Variants in PIK3C2G observed in about 807,000 individuals in gnomAD.
PIK3C2G encodes phosphatidylinositol-4-phosphate 3-kinase catalytic subunit type 2 gamma.
In PIK3C2G, 168 loss-of-function variants were observed where a neutral mutation model predicts 181.1. The observed-to-expected ratio is 0.93, with a 90% CI of 0.82 to 1.05. The LOEUF (loss-of-function observed/expected upper bound fraction) is 1.05. PIK3C2G is among the 50% of genes least tolerant of loss of function. PIK3C2G has a pLI of 0.00. For missense variants in PIK3C2G, 1,869 were observed against 1,732.8 expected, an observed-to-expected ratio of 1.08 and a Z score of -1.40; for synonymous variants, 573 against 592.2, an observed-to-expected ratio of 0.97 and a Z score of 0.47.
chr12:18,291,641 G>GCTC (rs1949695160), intron 4 of PIK3C2G, among the ~76,000 whole-genome samples: 2 of 152,036 alleles, frequency 1.3e-5, no homozygotes, highest in Non-Finnish European at 2.9e-5. Flanking sequence ...AACAGTATTA[G>GCTC]CTCTTTAAAC....
At chr12:18,343,466 AAC>A (rs61320852) in intron 10 of PIK3C2G, 106 bp downstream of exon 10, 27,857 of 472,570 alleles carry the variant, frequency 0.059, no homozygotes, top group East Asian at 0.1. Context: ...GGTAACACAC[AAC>A]ACACACACAC....
At chr12:18,601,186 A>G (rs2136538529) in intron 30 of PIK3C2G, among the ~76,000 whole-genome samples, 1 of 152,086 alleles carries the variant, frequency 6.6e-6, no homozygotes, top group Non-Finnish European at 1.5e-5. Flanking sequence ...ATATTGATAG[A>G]TTTAAGGATA....
Position 18,604,152 on chromosome 12 carries a change from C to A in PIK3C2G, c.4088-5383C>A, listed in dbSNP as rs535712012. ...CCATCTGCTGCCTTCAGGAGACTCACCTAACACATAAGCATTCATATAAAC... is the reference window on the plus strand; with the variant it reads ...CCATCTGCTGCCTTCAGGAGACTCAACTAACACATAAGCATTCATATAAAC... On this transcript the variant is annotated intron_variant, in intron 30 of 32. Coordinates refer to ENST00000538779, the MANE Select transcript of PIK3C2G (RefSeq NM_001288772.2). 4.6e-5 allele frequency among the ~76,000 whole-genome samples: 7 copies of A among 152,208 alleles called. No individual in the cohort carries two copies. The South Asian group carries it at 1.5e-3, about 32-fold the overall frequency.
At chr12:18,257,852 AG>A (rs1948163800), upstream of PIK3C2G, among the ~76,000 whole-genome samples, 1 of 49,000 alleles carries the variant, frequency 2.0e-5, no homozygotes, top group Non-Finnish European at 4.8e-5. Context: ...AGAAAGAGAA[AG>A]AAAGAAAGAA....
chr12:18,479,195 G>A (rs184618446), intron 18 of PIK3C2G, among the ~76,000 whole-genome samples: 59 of 151,874 alleles, frequency 3.9e-4, no homozygotes, highest in African/African-American at 1.4e-3. Flanking sequence ...AAAGAAAGAA[G>A]GCAACCTGGA....
At chr12:18,443,912 C>T (rs958846183) in intron 18 of PIK3C2G, among the ~76,000 whole-genome samples, 10 of 152,128 alleles carry the variant, frequency 6.6e-5, no homozygotes, top group Admixed American at 5.9e-4. Context: ...AAGAATTATT[C>T]ACACAGTTGC....
intron 18 of PIK3C2G, among the ~76,000 whole-genome samples, chr12:18,437,060 C>T (rs1378449860): frequency 6.6e-6 from 1 of 151,864 alleles, no homozygotes; most frequent in African/African-American, 2.4e-5. Context: ...TTTTTTCTGG[C>T]TTCTCTATTC....
intron 25 of PIK3C2G, among the ~76,000 whole-genome samples, chr12:18,544,479 A>G (rs1944319523): frequency 6.6e-6 from 1 of 151,864 alleles, no homozygotes; most frequent in Non-Finnish European, 1.5e-5. Flanking sequence ...TGGGCAAATG[A>G]AGATGAGGGG....
intron 29 of PIK3C2G, among the ~76,000 whole-genome samples, chr12:18,585,156 T>C (rs931409005): frequency 6.6e-6 from 1 of 152,118 alleles, no homozygotes; most frequent in African/African-American, 2.4e-5. Context: ...GATAACCAGC[T>C]AACAATACAA....
chr12:18,453,652 G>T (rs1256602355), intron 18 of PIK3C2G, among the ~76,000 whole-genome samples: 1 of 151,978 alleles, frequency 6.6e-6, no homozygotes, highest in Non-Finnish European at 1.5e-5. Flanking sequence ...AAGCACCTTA[G>T]GAATTCTTTC....
chr12:18,455,584 T>TATCCTATCATTTATA lies in PIK3C2G; in HGVS notation c.2504+31545_2504+31546insATCCTATCATTTATA, dbSNP rs1466690191. The stretch of plus-strand genomic sequence containing the variant: ...GTGGCTTATAAATGATAGGAATTTA[T>TATCCTATCATTTATA]TCCTATCAGTTCTGAAGGCTACAGA... On this transcript the variant is annotated intron_variant, in intron 18 of 32. Coordinates refer to ENST00000538779, the MANE Select transcript of PIK3C2G (RefSeq NM_001288772.2). Among the ~76,000 whole-genome samples the TATCCTATCATTTATA allele has an allele frequency of 4.6e-5, 7 of 152,256 alleles. No individual in the cohort carries two copies. The East Asian group carries it at 1.4e-3, about 29-fold the overall frequency.
At chr12:18,521,975 C>T (rs1942950055) in intron 24 of PIK3C2G, among the ~76,000 whole-genome samples, 1 of 152,184 alleles carries the variant, frequency 6.6e-6, no homozygotes, top group African/African-American at 2.4e-5. Flanking sequence ...TACTGCCTCC[C>T]TTGGCTGGGG....
intron 29 of PIK3C2G, among the ~76,000 whole-genome samples, chr12:18,589,792 T>G (rs750053388): frequency 1.1e-4 from 17 of 152,008 alleles, no homozygotes; most frequent in Non-Finnish European, 2.2e-4. Context: ...CTGTCTTTTC[T>G]TTTTTCCACA....
intron 18 of PIK3C2G, among the ~76,000 whole-genome samples, chr12:18,485,241 G>C (rs1939917287): frequency 6.6e-6 from 1 of 152,156 alleles, no homozygotes; most frequent in Non-Finnish European, 1.5e-5. Flanking sequence ...GATGGAATAT[G>C]AACTATCTGT....
chr12:18,571,969 T>G (rs918545383), intron 29 of PIK3C2G, among the ~76,000 whole-genome samples: 1 of 150,470 alleles, frequency 6.6e-6, no homozygotes, highest in South Asian at 2.1e-4. Flanking sequence ...ATTTTTCCAT[T>G]TTGTCCTATG....
chr12:18,449,287 T>A (rs993347129), intron 18 of PIK3C2G, among the ~76,000 whole-genome samples: 1 of 152,110 alleles, frequency 6.6e-6, no homozygotes, highest in African/African-American at 2.4e-5. Flanking sequence ...TTATTATTTA[T>A]TATTTTTTTT....
At chr12:18,586,343 G>C (rs1369769965) in intron 29 of PIK3C2G, among the ~76,000 whole-genome samples, 1 of 151,966 alleles carries the variant, frequency 6.6e-6, no homozygotes, top group Non-Finnish European at 1.5e-5. Flanking sequence ...TAACAAAGAA[G>C]AAAAGAGAGA....
chr12:18,454,486 A>G (rs1255125025), intron 18 of PIK3C2G, among the ~76,000 whole-genome samples: 1 of 152,184 alleles, frequency 6.6e-6, no homozygotes, highest in Non-Finnish European at 1.5e-5. Flanking sequence ...GTGAAAAGCC[A>G]GTGTAGTCAC....
intron 24 of PIK3C2G, among the ~76,000 whole-genome samples, chr12:18,519,557 T>C (rs2136174967): frequency 6.6e-6 from 1 of 152,310 alleles, no homozygotes; most frequent in Non-Finnish European, 1.5e-5. Flanking sequence ...TCTTTTGCTT[T>C]CCATTTACTT....
Sources: gnomAD v4.1 joint callset for allele counts (sites outside exome capture counted in the v4.1 genomes callset) on GRCh38, gnomAD v4.1.1 for gene constraint, MANE v1.5 for transcripts, NCBI Gene and HGNC (gene_info 2026-07-23, HGNC 2026-07-21) for gene names.